Variants in CLDN14 observed in about 807,000 individuals in gnomAD.
The protein encoded by CLDN14 is claudin 14.
CLDN14 carries 2 observed loss-of-function variants against 2.1 expected under a neutral mutation model. The ratio of observed to expected loss-of-function variants is 0.96; its 90% CI spans 0.39 to 3.01. The LOEUF (loss-of-function observed/expected upper bound fraction) is 3.01, where lower values mean the gene tolerates loss of function less well. Among genes scored for constraint, CLDN14 ranks in the 30% most tolerant of loss-of-function variants. The pLI, the probability that CLDN14 is intolerant of heterozygous loss-of-function variation, is 0.09. For missense variants in CLDN14, 298 were observed against 328.0 expected (o/e 0.91, Z 0.71); for synonymous variants, 136 against 154.4 (o/e 0.88, Z 0.88).
chr21:36,570,032 A>T (rs930761833), intron 1 of CLDN14, among the ~76,000 whole-genome samples: 1 of 152,208 alleles, frequency 6.6e-6, no homozygotes, highest in African/African-American at 2.4e-5. Flanking sequence ...TACACTTTTT[A>T]TGGAGACACG....
At chr21:36,535,867 G>T (rs2087420657) in intron 1 of CLDN14, among the ~76,000 whole-genome samples, 1 of 152,160 alleles carries the variant, frequency 6.6e-6, no homozygotes, top group African/African-American at 2.4e-5. Context: ...AAACCCTTCG[G>T]GTTAGCCACA....
intron 1 of CLDN14, among the ~76,000 whole-genome samples, chr21:36,516,686 G>A (rs1038149460): frequency 4.6e-5 from 7 of 152,274 alleles, no homozygotes; most frequent in African/African-American, 1.7e-4. Flanking sequence ...CTGTATTTGC[G>A]CAATTCCCAG....
chr21:36,511,617 G>T (rs1222625413), intron 1 of CLDN14, among the ~76,000 whole-genome samples: 2 of 152,072 alleles, frequency 1.3e-5, no homozygotes, highest in Non-Finnish European at 2.9e-5. Flanking sequence ...CCTCCCTGCT[G>T]CAGGGAGCAC....
chr21:36,551,822 G>C lies in CLDN14; in HGVS notation c.-220+24589C>G, dbSNP rs761046212. Among the ~76,000 whole-genome samples, 3 of 152,202 alleles carry C rather than the reference G, an allele frequency of 2.0e-5. No individual in the cohort carries two copies. Among genetic ancestry groups the C allele is most frequent in the Non-Finnish European group, 2.9e-5 (2 of 68,040 alleles). On this transcript the variant is annotated intron_variant, in intron 1 of 2. Coordinates refer to the CLDN14 transcript ENST00000342108. This position sits in a 1 kb window ranked among gnomAD's most constrained non-coding sequence, Gnocchi z 4.8. ...TCAATGAAGCAGACAGCAACTCATT[G>C]CAACTGCTCCTGTCCTGTCGGTCGA... is the stretch of plus-strand genomic sequence containing the variant.
chr21:36,525,224 G>A (rs1227474221), intron 1 of CLDN14, among the ~76,000 whole-genome samples: 4 of 152,110 alleles, frequency 2.6e-5, no homozygotes, highest in Admixed American at 1.3e-4. Flanking sequence ...GTGGTCTCGT[G>A]TGCAGCCCAA....
Position 36,514,618 on chromosome 21 carries a change from AGAAAG to A in CLDN14, c.-219-4123_-219-4119del. Among the ~76,000 whole-genome samples, 4 of 135,306 alleles carry A rather than the reference AGAAAG, an allele frequency of 3.0e-5. No homozygotes were observed. The East Asian group carries it at 6.3e-4, about 21-fold the overall frequency. 88.8% of individuals were successfully genotyped at this position (135,306 alleles called of 152,430 possible). ...AGGGGAAATAAAGTCTTATCGTGAG[AGAAAG>A]TGTGTGTGTGTGTGTGTGTGTGTGT... is the stretch of plus-strand genomic sequence containing the variant. On this transcript the variant is annotated intron_variant, in intron 1 of 2. Coordinates refer to the CLDN14 transcript ENST00000342108.
intron 1 of CLDN14, among the ~76,000 whole-genome samples, chr21:36,526,115 A>T (rs2087326994): frequency 6.6e-6 from 1 of 152,186 alleles, no homozygotes; most frequent in Admixed American, 6.5e-5. Flanking sequence ...CAAGGAGTCT[A>T]GCTGAAGATC....
At chr21:36,557,618 T>C (rs1372340602) in intron 1 of CLDN14, among the ~76,000 whole-genome samples, 3 of 152,246 alleles carry the variant, frequency 2.0e-5, no homozygotes. Flanking sequence ...TTTTGCTCAA[T>C]TCCTAAATTG....
At chr21:36,503,555 G>A (rs1316888882) in intron 2 of CLDN14, among the ~76,000 whole-genome samples, 1 of 152,138 alleles carries the variant, frequency 6.6e-6, no homozygotes, top group East Asian at 1.9e-4. Context: ...GACATGACTT[G>A]CTCCTCTTTT....
chr21:36,560,570 C>T (rs1461715390), intron 1 of CLDN14, among the ~76,000 whole-genome samples: 3 of 152,104 alleles, frequency 2.0e-5, no homozygotes, highest in Non-Finnish European at 1.5e-5. Flanking sequence ...CATGTTGAAC[C>T]GTCCTGGATT....
At chr21:36,528,881 C>T (rs1418024623) in intron 1 of CLDN14, among the ~76,000 whole-genome samples, 1 of 152,178 alleles carries the variant, frequency 6.6e-6, no homozygotes, top group Non-Finnish European at 1.5e-5. Context: ...TAGTGTGAGC[C>T]GCAACCCTGC....
At chr21:36,543,024 G>C (rs1373057288) in intron 1 of CLDN14, among the ~76,000 whole-genome samples, 1 of 152,180 alleles carries the variant, frequency 6.6e-6, no homozygotes, top group Non-Finnish European at 1.5e-5. Flanking sequence ...GCGGGGGCAG[G>C]GGGGAGCACA....
intron 2 of CLDN14, among the ~76,000 whole-genome samples, chr21:36,488,008 C>A (rs989453016): frequency 1.3e-5 from 2 of 152,156 alleles, no homozygotes; most frequent in African/African-American, 4.8e-5. Context: ...GCACACTCAC[C>A]TTCATAGCAG....
chr21:36,480,758 C>T (rs2086836322), upstream of CLDN14: 1 of 152,128 alleles, frequency 6.6e-6, no homozygotes, highest in Non-Finnish European at 1.5e-5. Context: ...TCACTGAGCA[C>T]ACCGCAAATG....
At chr21:36,549,270 A>ACAC (rs2087547152) in intron 1 of CLDN14, among the ~76,000 whole-genome samples, 2 of 150,100 alleles carry the variant, frequency 1.3e-5, no homozygotes, top group African/African-American at 4.9e-5. Context: ...TGTGCATTAC[A>ACAC]CACACACTCT....
At chr21:36,523,827 G>A (rs2087298726) in intron 1 of CLDN14, among the ~76,000 whole-genome samples, 1 of 145,354 alleles carries the variant, frequency 6.9e-6, no homozygotes, top group Non-Finnish European at 1.5e-5. Context: ...AAGAAAGAAA[G>A]AAAGAAAGAA....
chr21:36,559,748 A>G (rs576634196), intron 1 of CLDN14, among the ~76,000 whole-genome samples: 1 of 152,360 alleles, frequency 6.6e-6, no homozygotes, highest in East Asian at 1.9e-4. Context: ...TTAAAAACTA[A>G]AATATTTCTC....
intron 2 of CLDN14, among the ~76,000 whole-genome samples, chr21:36,490,386 T>A (rs868032052): frequency 2.3e-4 from 18 of 78,044 alleles, no homozygotes; most frequent in African/African-American, 5.0e-4. Flanking sequence ...TTTTTTTTAA[T>A]TTTTTTTTTT....
chr21:36,467,798 G>C (rs1335048965), intron 1 of CLDN14, among the ~76,000 whole-genome samples: 1 of 152,158 alleles, frequency 6.6e-6, no homozygotes, highest in East Asian at 1.9e-4. Flanking sequence ...GCTTTCCTAT[G>C]GACACACATT....
Sources: gnomAD v4.1 joint callset for allele counts (sites outside exome capture counted in the v4.1 genomes callset) on GRCh38, gnomAD v4.1.1 for gene constraint, Gnocchi (gnomAD v3.1) non-coding constraint, MANE v1.5 for transcripts, NCBI Gene and HGNC (gene_info 2026-07-23, HGNC 2026-07-21) for gene names.